AAMDC: variants seen among roughly 807,000 people sequenced by gnomAD.
The protein encoded by AAMDC is adipogenesis associated Mth938 domain containing, also known as mth938 domain-containing protein.
In AAMDC, 16 loss-of-function variants were observed where a neutral mutation model predicts 15.5. The ratio of observed to expected loss-of-function variants is 1.03; its 90% CI spans 0.70 to 1.57. The LOEUF (loss-of-function observed/expected upper bound fraction) is 1.57, where lower values mean the gene tolerates loss of function less well. AAMDC is among the 40% of genes most tolerant of loss of function. AAMDC has a pLI of 0.00. For synonymous variants in AAMDC, 51 were observed against 51.6 expected, an observed-to-expected ratio of 0.99 and a Z score of 0.05; for missense variants, 141 against 144.9, an observed-to-expected ratio of 0.97 and a Z score of 0.14.
intron 2 of AAMDC, chr11:77,850,859 T>C (rs1384451959): frequency 6.6e-6 from 1 of 152,038 alleles, no homozygotes; most frequent in African/African-American, 2.4e-5. Context: ...AGATACGACA[T>C]TTCAGTATTT....
At chr11:77,855,631 T>C (rs1461172785) in intron 2 of AAMDC, 1 of 152,004 alleles carries the variant, frequency 6.6e-6, no homozygotes, top group Non-Finnish European at 1.5e-5. Flanking sequence ...GCCTGGCCTT[T>C]TTTTTCTTTT....
chr11:77,844,578 T>A (rs940622793), intron 2 of AAMDC, among the ~76,000 whole-genome samples: 1 of 152,052 alleles, frequency 6.6e-6, no homozygotes, highest in South Asian at 2.1e-4. Flanking sequence ...CCCAGGCTGG[T>A]CTTGAACTCC....
At chr11:77,836,208 A>G (rs975761099) in intron 1 of AAMDC, among the ~76,000 whole-genome samples, 1 of 152,084 alleles carries the variant, frequency 6.6e-6, no homozygotes, top group Non-Finnish European at 1.5e-5. Context: ...TTTCTTACTT[A>G]GAAATTGCTG....
intron 2 of AAMDC, among the ~76,000 whole-genome samples, chr11:77,856,282 C>G (rs1310636635): frequency 6.6e-6 from 1 of 152,180 alleles, no homozygotes; most frequent in Non-Finnish European, 1.5e-5. Context: ...ATCTCCGAGA[C>G]CTTCTCAGCC....
intron 2 of AAMDC, among the ~76,000 whole-genome samples, chr11:77,862,860 G>C (rs1318089013): frequency 1.3e-5 from 2 of 152,112 alleles, no homozygotes; most frequent in African/African-American, 4.8e-5. Flanking sequence ...AAAAATATAA[G>C]TCGTTTCTTT....
intron 1 of AAMDC, among the ~76,000 whole-genome samples, chr11:77,833,430 A>G (rs1949544598): frequency 6.6e-6 from 1 of 152,146 alleles, no homozygotes; most frequent in South Asian, 2.1e-4. Context: ...GCAGTTCACA[A>G]TAGGGTTCAC....
chr11:77,828,707 T>C (rs1590922331), intron 1 of AAMDC, among the ~76,000 whole-genome samples: 1 of 151,670 alleles, frequency 6.6e-6, no homozygotes, highest in South Asian at 2.1e-4. Context: ...TATAAAACAT[T>C]GTTCAAGGAA....
intron 5 of AAMDC, chr11:77,894,444 T>A: frequency 6.2e-6 from 4 of 645,280 alleles, no homozygotes; most frequent in East Asian, 2.9e-5. Flanking sequence ...TAAAGGAAAA[T>A]TAGCATATTA....
At chr11:77,846,926 T>C (rs1950172111) in intron 2 of AAMDC, among the ~76,000 whole-genome samples, 1 of 152,196 alleles carries the variant, frequency 6.6e-6, no homozygotes, top group African/African-American at 2.4e-5. Context: ...TATTTGCTTC[T>C]TTTCTGTATC....
Position 77,867,187 on chromosome 11 carries a change from G to A in AAMDC, c.133-2535G>A, listed in dbSNP as rs577450439. 8.5e-5 allele frequency among the ~76,000 whole-genome samples: 13 copies of A among 152,156 alleles called. No individual in the cohort carries two copies. In the East Asian group the frequency reaches 1.7e-3, roughly 20 times the overall value. On this transcript the variant is annotated intron_variant, in intron 2 of 3. Coordinates refer to ENST00000393427, the MANE Select transcript of AAMDC (RefSeq NM_024684.4). Reference sequence around the variant, plus strand: ...TAAATTTCATTCCTATCTCCATAACGTCTCATCTTCCTGAACTGGAAAACG... The same window carrying A: ...TAAATTTCATTCCTATCTCCATAACATCTCATCTTCCTGAACTGGAAAACG...
intron 1 of AAMDC, among the ~76,000 whole-genome samples, chr11:77,822,579 GT>G (rs1415722109): frequency 6.6e-6 from 1 of 151,952 alleles, no homozygotes; most frequent in African/African-American, 2.4e-5. Context: ...TCATTTCCAG[GT>G]TTTAAAAAGG....
intron 1 of AAMDC, among the ~76,000 whole-genome samples, chr11:77,823,353 AAAACT>A (rs1180554164): frequency 2.0e-5 from 3 of 152,152 alleles, no homozygotes; most frequent in African/African-American, 4.8e-5. Flanking sequence ...AATGAAACAC[AAAACT>A]AAACTAAAAC....
At chr11:77,903,365 G>T (rs557180259), downstream of AAMDC, among the ~76,000 whole-genome samples, 12 of 148,506 alleles carry the variant, frequency 8.1e-5, no homozygotes, top group South Asian at 2.2e-4. Context: ...GCTTACCTGT[G>T]TTGCTGCTGC....
intron 1 of AAMDC, among the ~76,000 whole-genome samples, chr11:77,826,984 C>A (rs562716582): frequency 3.3e-5 from 5 of 151,898 alleles, no homozygotes; most frequent in Admixed American, 1.3e-4. Context: ...ACACACCCGT[C>A]GTCCCTGCTA....
intron 5 of AAMDC, among the ~76,000 whole-genome samples, chr11:77,892,932 A>C (rs1185071523): frequency 1.3e-5 from 2 of 152,190 alleles, no homozygotes; most frequent in African/African-American, 4.8e-5. Context: ...TTTGCTAGAG[A>C]GTATTACCTG....
In AAMDC at chr11:77,842,586, A is replaced by C. The variant is rs1949977280; in HGVS notation, c.90A>C (p.Pro30=). 1.9e-6 allele frequency: 3 copies of C among 1,613,986 alleles called. No homozygotes were observed. Among genetic ancestry groups the C allele is most frequent in the Non-Finnish European group, 2.5e-6 (3 of 1,179,918 alleles). Residue 30 remains proline, a synonymous_variant, in exon 2 of 4, where the codon CCA becomes CCC. Transcript: ENST00000393427. ...CCTATAAGGACTGCAAAGTATGGCC[A>C]GGGGGTAGTCGGACTTGGGATTGGA... The part of the protein sequence containing the change: ...NTTYKDCKVW[P]GGSRTWDWRE...
At chr11:77,883,686 T>C (rs1951879301) in intron 5 of AAMDC, 1 of 799,822 alleles carries the variant, frequency 1.3e-6, no homozygotes, top group Admixed American at 3.0e-5. Flanking sequence ...ACCCACTTAA[T>C]GAGTGCTTAT....
At chr11:77,869,070 G>A in intron 2 of AAMDC, 1 of 310,582 alleles carries the variant, frequency 3.2e-6, no homozygotes, top group African/African-American at 2.2e-5. Flanking sequence ...TTCCCTTGAT[G>A]TCTACAGTAT....
intron 2 of AAMDC, chr11:77,851,352 G>A (rs1950374950): frequency 6.6e-6 from 1 of 152,196 alleles, no homozygotes; most frequent in Non-Finnish European, 1.5e-5. Flanking sequence ...TTGTACAATT[G>A]ACCAGGCTAG....
Sources: allele counts gnomAD v4.1 joint callset (sites outside exome capture counted in the v4.1 genomes callset), GRCh38; gene constraint gnomAD v4.1.1; transcripts MANE v1.5; gene names NCBI Gene and HGNC (gene_info 2026-07-23, HGNC 2026-07-21).